The following FRMD4A variants were observed in gnomAD, a reference collection of about 807,000 sequenced individuals.
FRMD4A encodes FERM domain containing 4A.
FRMD4A carries 29 observed loss-of-function variants against 129.1 expected under a neutral mutation model. The observed-to-expected ratio is 0.22, with a 90% CI of 0.17 to 0.31. FRMD4A has a LOEUF of 0.31. Among genes scored for constraint, FRMD4A ranks in the 10% least tolerant of loss-of-function variants. The pLI is 1.00. For synonymous variants in FRMD4A, 634 were observed against 571.6 expected (o/e 1.11, Z -1.56); for missense variants, 1,272 against 1,375.8 (o/e 0.92, Z 1.19).
At chr10:13,823,261 GA>G (rs1372143135) in intron 3 of FRMD4A, among the ~76,000 whole-genome samples, 1 of 152,190 alleles carries the variant, frequency 6.6e-6, no homozygotes, top group Admixed American at 6.5e-5. Flanking sequence ...GGGACTCTGG[GA>G]GGCGGGCAGG....
At chr10:13,834,378 C>T (rs531443618) in intron 3 of FRMD4A, among the ~76,000 whole-genome samples, 3 of 152,232 alleles carry the variant, frequency 2.0e-5, no homozygotes, top group African/African-American at 4.8e-5. Context: ...CCTAAGAAAC[C>T]GGTCTCTGGA....
At chr10:14,172,476 G>A (rs566950948) in intron 2 of FRMD4A, among the ~76,000 whole-genome samples, 4 of 152,174 alleles carry the variant, frequency 2.6e-5, no homozygotes, top group African/African-American at 7.2e-5. Flanking sequence ...CAGAGCCTGG[G>A]TCCTGATTAT....
At position 14,039,379 on chromosome 10, in the gene FRMD4A, C is replaced by CT. The variant is rs1565204362; in HGVS notation, c.46-180468_46-180467insA. ...TGATCTGTCCGTCCGTCCATCCATCCATCCATCCATCCATCCATCCATCCA... is the reference window on the plus strand; with the variant it reads ...TGATCTGTCCGTCCGTCCATCCATCCTATCCATCCATCCATCCATCCATCCA... On this transcript the variant is annotated intron_variant, in intron 2 of 24. Coordinates refer to ENST00000357447, the MANE Select transcript of FRMD4A (RefSeq NM_018027.5). 2.3e-3 allele frequency among the ~76,000 whole-genome samples: 260 copies of CT among 110,994 alleles called. 1 individual carries two copies. The highest frequency in any genetic ancestry group is 8.8e-3 in the African/African-American group (202 of 22,840). The allele number at this position is 110,994 out of a possible 152,430, so 72.8% of individuals were successfully genotyped here.
intron 2 of FRMD4A, among the ~76,000 whole-genome samples, chr10:14,269,779 C>T (rs561984889): frequency 5.1e-4 from 77 of 152,212 alleles, no homozygotes; most frequent in African/African-American, 1.5e-3. Flanking sequence ...TAATAATTAA[C>T]GGATGGTAAT....
At chr10:14,077,409 G>T (rs1271956388) in intron 2 of FRMD4A, among the ~76,000 whole-genome samples, 1 of 152,160 alleles carries the variant, frequency 6.6e-6, no homozygotes, top group Non-Finnish European at 1.5e-5. Context: ...CATCTATCAA[G>T]TGAGAATACT....
At chr10:14,095,003 T>A (rs1324178569) in intron 2 of FRMD4A, among the ~76,000 whole-genome samples, 2 of 152,110 alleles carry the variant, frequency 1.3e-5, no homozygotes, top group Admixed American at 1.3e-4. Context: ...TCCATATGCA[T>A]GGATGTATAT....
chr10:14,008,373 G>C, intron 2 of FRMD4A: 1 of 1,025,464 alleles, frequency 9.8e-7, no homozygotes, highest in South Asian at 3.6e-5. Flanking sequence ...ACCAGCCCAA[G>C]TTCTGCAACT....
In FRMD4A at chr10:14,164,468, T is replaced by C. The variant is rs1441735744; in HGVS notation, c.45+165590A>G. The stretch of plus-strand genomic sequence containing the variant: ...GTAAGGCTATTCAGGTATCAAGCTG[T>C]CTCAGGATTCGCATGGTTAAAAATA... On this transcript the variant is annotated intron_variant, in intron 2 of 24. Transcript: ENST00000357447. Among the ~76,000 whole-genome samples, 4 of 152,330 alleles carry C rather than the reference T, an allele frequency of 2.6e-5. No individual in the cohort carries two copies. The East Asian group carries it at 7.7e-4, about 29-fold the overall frequency.
intron 3 of FRMD4A, among the ~76,000 whole-genome samples, chr10:13,835,404 T>C (rs2093856728): frequency 6.6e-6 from 1 of 152,164 alleles, no homozygotes; most frequent in African/African-American, 2.4e-5. Context: ...TATATATTAT[T>C]ACTGGAATCT....
chr10:13,964,550 G>C (rs2095471568), intron 2 of FRMD4A, among the ~76,000 whole-genome samples: 1 of 152,124 alleles, frequency 6.6e-6, no homozygotes, highest in Non-Finnish European at 1.5e-5. Flanking sequence ...AAACTTCAGG[G>C]TTCCTCACTT....
intron 2 of FRMD4A, among the ~76,000 whole-genome samples, chr10:14,261,866 G>A (rs1045802744): frequency 6.6e-6 from 1 of 151,638 alleles, no homozygotes; most frequent in African/African-American, 2.4e-5. Context: ...GCCAATCTGT[G>A]TCTAAAACGT....
intron 2 of FRMD4A, among the ~76,000 whole-genome samples, chr10:13,880,755 A>G (rs543714278): frequency 2.0e-5 from 3 of 152,094 alleles, no homozygotes; most frequent in African/African-American, 7.2e-5. Context: ...ACATCCTTTC[A>G]GTCTTTGCTC....
chr10:13,762,706 G>A (rs1429006670), intron 6 of FRMD4A, 26 bp from the exon 7 acceptor site: 2 of 1,529,632 alleles, frequency 1.3e-6, no homozygotes, highest in African/African-American at 2.7e-5. Flanking sequence ...AACAAACGAA[G>A]ACAAGTTTGG....
chr10:14,148,449 C>G (rs1484716781), intron 2 of FRMD4A, among the ~76,000 whole-genome samples: 1 of 152,116 alleles, frequency 6.6e-6, no homozygotes, highest in African/African-American at 2.4e-5. Context: ...AGAGAAAAAC[C>G]CTTTTGGTTG....
At chr10:13,692,597 C>T (rs2085813759) in intron 15 of FRMD4A, 1 of 152,348 alleles carries the variant, frequency 6.6e-6, no homozygotes, top group Non-Finnish European at 1.5e-5. Context: ...CTCACCAGAA[C>T]AGTAACCTCG....
intron 2 of FRMD4A, among the ~76,000 whole-genome samples, chr10:14,052,816 G>A (rs917526169): frequency 9.9e-5 from 15 of 151,926 alleles, no homozygotes; most frequent in African/African-American, 2.2e-4. Context: ...CAACCACCTC[G>A]GCTTCCCAAA....
chr10:14,022,968 C>T (rs912753266), intron 2 of FRMD4A, among the ~76,000 whole-genome samples: 2 of 152,166 alleles, frequency 1.3e-5, no homozygotes, highest in Non-Finnish European at 2.9e-5. Flanking sequence ...CTCACACCAA[C>T]ACTTTGGCAT....
intron 2 of FRMD4A, among the ~76,000 whole-genome samples, chr10:13,955,692 G>A (rs1163667954): frequency 1.3e-5 from 2 of 152,224 alleles, no homozygotes; most frequent in African/African-American, 2.4e-5. Context: ...ATTTGCCAAC[G>A]TGGAGCCAGT....
chr10:13,905,267 T>C (rs2094870032), intron 2 of FRMD4A, among the ~76,000 whole-genome samples: 1 of 152,172 alleles, frequency 6.6e-6, no homozygotes, highest in Admixed American at 6.5e-5. Context: ...TATTAGATCT[T>C]GAAATAGACA....
Sources: allele counts gnomAD v4.1 joint callset (sites outside exome capture counted in the v4.1 genomes callset), GRCh38; gene constraint gnomAD v4.1.1; transcripts MANE v1.5; gene names NCBI Gene and HGNC (gene_info 2026-07-23, HGNC 2026-07-21).